The following CNOT6 variants were observed in gnomAD, a reference collection of about 807,000 sequenced individuals.
CNOT6 encodes carbon catabolite repression 4 protein.
In CNOT6, 12 loss-of-function variants were observed where a neutral mutation model predicts 61.2. That is an observed-to-expected ratio of 0.20 (90% confidence interval 0.13 to 0.32). The LOEUF (loss-of-function observed/expected upper bound fraction) is 0.32. CNOT6 is among the 10% of genes least tolerant of loss of function. CNOT6 has a pLI of 1.00. For missense variants in CNOT6, 405 were observed against 663.9 expected (o/e 0.61, Z 4.28); for synonymous variants, 225 against 240.6 (o/e 0.94, Z 0.60).
chr5:180,562,739 C>CA (rs905066923), intron 4 of CNOT6, among the ~76,000 whole-genome samples: 76 of 146,810 alleles, frequency 5.2e-4, no homozygotes, highest in East Asian at 3.8e-3. Flanking sequence ...GACTCCATCT[C>CA]AAAAAAAAAA....
At chr5:180,503,446 G>A (rs1475308470) in intron 1 of CNOT6, among the ~76,000 whole-genome samples, 13 of 150,246 alleles carry the variant, frequency 8.7e-5, no homozygotes, top group Non-Finnish European at 1.5e-4. Context: ...TGCATTTTTG[G>A]TAGAGACGGG....
At chr5:180,513,214 G>A (rs552719207) in intron 1 of CNOT6, among the ~76,000 whole-genome samples, 102 of 151,496 alleles carry the variant, frequency 6.7e-4, no homozygotes, top group Admixed American at 2.0e-3. Flanking sequence ...TATTTTTTGA[G>A]ACAGGATCTC....
At chr5:180,530,069 C>T (rs975819093) in intron 2 of CNOT6, among the ~76,000 whole-genome samples, 17 of 152,344 alleles carry the variant, frequency 1.1e-4, no homozygotes, top group African/African-American at 4.1e-4. Context: ...CTTCTCAGGG[C>T]AACCAGTGCT....
intron 2 of CNOT6, among the ~76,000 whole-genome samples, chr5:180,539,154 A>G (rs982449902): frequency 2.8e-5 from 4 of 144,854 alleles, no homozygotes; most frequent in African/African-American, 7.6e-5. Flanking sequence ...TAGCCTAGCA[A>G]CAGAGCGAGA....
intron 1 of CNOT6, among the ~76,000 whole-genome samples, chr5:180,508,457 G>A (rs1026370026): frequency 5.3e-5 from 8 of 151,870 alleles, no homozygotes; most frequent in African/African-American, 1.9e-4. Context: ...GACTACAGGC[G>A]CACGCCACCA....
intron 4 of CNOT6, among the ~76,000 whole-genome samples, chr5:180,554,841 T>G (rs1345555544): frequency 6.6e-6 from 1 of 152,204 alleles, no homozygotes; most frequent in Non-Finnish European, 1.5e-5. Context: ...TACAGAATGT[T>G]GAGACCCTCT....
chr5:180,544,210 T>C (rs1458662101), intron 2 of CNOT6, among the ~76,000 whole-genome samples: 1 of 152,208 alleles, frequency 6.6e-6, no homozygotes, highest in Non-Finnish European at 1.5e-5. Context: ...CAGGAAATCA[T>C]GAGGGCAGGC....
At chr5:180,498,482 G>A (rs1756718361) in intron 1 of CNOT6, among the ~76,000 whole-genome samples, 1 of 152,140 alleles carries the variant, frequency 6.6e-6, no homozygotes, top group African/African-American at 2.4e-5. Flanking sequence ...TGGGGAGAGG[G>A]AGTCATGTCA....
At chr5:180,539,001 C>T (rs1315449457) in intron 2 of CNOT6, among the ~76,000 whole-genome samples, 2 of 137,834 alleles carry the variant, frequency 1.5e-5, no homozygotes, top group South Asian at 2.4e-4. Flanking sequence ...TGGTGAAACC[C>T]CATCTGTACT....
intron 3 of CNOT6, among the ~76,000 whole-genome samples, chr5:180,553,115 T>G (rs1379037480): frequency 6.6e-6 from 1 of 152,200 alleles, no homozygotes; most frequent in Non-Finnish European, 1.5e-5. Flanking sequence ...ATTTTATATG[T>G]CTGTTAAATC....
intron 1 of CNOT6, among the ~76,000 whole-genome samples, chr5:180,510,840 C>T (rs371058025): frequency 2.0e-5 from 3 of 151,696 alleles, no homozygotes; most frequent in South Asian, 2.1e-4. Context: ...GTCTCGCTCT[C>T]GTCACCCAGG....
intron 2 of CNOT6, among the ~76,000 whole-genome samples, chr5:180,538,026 A>G (rs1163410519): frequency 6.9e-6 from 1 of 145,366 alleles, no homozygotes; most frequent in Non-Finnish European, 1.5e-5. Context: ...AACATGGTGG[A>G]ACATCATCTT....
intron 4 of CNOT6, among the ~76,000 whole-genome samples, chr5:180,555,937 A>G (rs1317633872): frequency 6.6e-6 from 1 of 152,152 alleles, no homozygotes; most frequent in Non-Finnish European, 1.5e-5. Flanking sequence ...ATTGTGCCGC[A>G]GTACTACAGT....
chr5:180,541,912 A>G (rs1466004928), intron 2 of CNOT6, among the ~76,000 whole-genome samples: 1 of 151,232 alleles, frequency 6.6e-6, no homozygotes, highest in Non-Finnish European at 1.5e-5. Context: ...GGCTGTTTAC[A>G]GGCACTATTG....
chr5:180,532,514 TCTTTGCTCTCACAC>T (rs1758444188), intron 2 of CNOT6, among the ~76,000 whole-genome samples: 1 of 152,176 alleles, frequency 6.6e-6, no homozygotes, highest in African/African-American at 2.4e-5. Context: ...CCATGTTTTT[TCTTTGCTCTCACAC>T]CACCACAGTC....
intron 1 of CNOT6, among the ~76,000 whole-genome samples, chr5:180,517,501 T>G (rs1208270380): frequency 6.6e-6 from 1 of 151,512 alleles, no homozygotes; most frequent in Non-Finnish European, 1.5e-5. Context: ...TCTTTCATAC[T>G]TAATTTATTA....
In CNOT6 at chr5:180,528,532, G is replaced by A. The variant is rs571966252; in HGVS notation, c.-2-743G>A. On this transcript the variant is annotated intron_variant, in intron 1 of 11. Transcript: ENST00000261951. Reference sequence around the variant, plus strand: ...GAGTTTCACCACATTAGCCAGGATGGTCTCAATCTCCTGACCTCGTGATTC... The same window carrying A: ...GAGTTTCACCACATTAGCCAGGATGATCTCAATCTCCTGACCTCGTGATTC... Among the ~76,000 whole-genome samples, 524 of 152,108 alleles carry A rather than the reference G, an allele frequency of 3.4e-3. 2 individuals are homozygous for A. The highest frequency in any genetic ancestry group is 5.9e-3 in the Non-Finnish European group (403 of 67,982).
intron 1 of CNOT6, among the ~76,000 whole-genome samples, chr5:180,526,218 A>G (rs1449239386): frequency 7.2e-6 from 1 of 138,586 alleles, no homozygotes; most frequent in Non-Finnish European, 1.7e-5. Flanking sequence ...TTTTTGCTAT[A>G]GAGAGAATGA....
chr5:180,527,983 C>T (rs1266738138), intron 1 of CNOT6, among the ~76,000 whole-genome samples: 8 of 152,148 alleles, frequency 5.3e-5, no homozygotes, highest in Non-Finnish European at 1.2e-4. Context: ...TGAGATGGTA[C>T]GGTTTCATCC....
Sources: allele counts gnomAD v4.1 joint callset (sites outside exome capture counted in the v4.1 genomes callset), GRCh38; gene constraint gnomAD v4.1.1; transcripts MANE v1.5; gene names NCBI Gene and HGNC (gene_info 2026-07-23, HGNC 2026-07-21).